ATR: variants seen among roughly 807,000 people sequenced by gnomAD.
ATR encodes the protein ATR checkpoint kinase.
In ATR, 142 loss-of-function variants were observed where a neutral mutation model predicts 305.3. The ratio of observed to expected loss-of-function variants is 0.47; its 90% CI spans 0.41 to 0.53. The LOEUF is 0.53. Among genes scored for constraint, ATR ranks in the 20% least tolerant of loss-of-function variants. The pLI is 0.00. For missense variants in ATR, 2,135 were observed against 3,133.1 expected (o/e 0.68, Z 7.60); for synonymous variants, 1,050 against 1,068.1 (o/e 0.98, Z 0.33).
At chr3:142,474,077 C>T (rs555232988) in intron 36 of ATR, among the ~76,000 whole-genome samples, 1 of 151,622 alleles carries the variant, frequency 6.6e-6, no homozygotes, top group Non-Finnish European at 1.5e-5. Flanking sequence ...CAGATGTGTG[C>T]CACCATGCCT....
chr3:142,553,185 G>A, intron 13 of ATR, 42 bp downstream of exon 13: 1 of 1,589,752 alleles, frequency 6.3e-7, no homozygotes, highest in Non-Finnish European at 8.6e-7. Context: ...CTCTTAAAAA[G>A]TACTGCTGTT....
chr3:142,518,695 G>A (rs1428284784), intron 24 of ATR, among the ~76,000 whole-genome samples: 1 of 152,150 alleles, frequency 6.6e-6, no homozygotes, highest in African/African-American at 2.4e-5. Flanking sequence ...TATAAAGACT[G>A]TTAGTATAAG....
Position 142,560,256 on chromosome 3 carries a change from G to C in ATR, c.1541+7C>G, listed in dbSNP as rs750109379. 5.0e-6 allele frequency: 8 copies of C among 1,612,696 alleles called. No homozygotes were observed. Among genetic ancestry groups the C allele is most frequent in the African/African-American group, 1.3e-5 (1 of 74,862 alleles). ...CCCAACCCCAAGAAACAAGAAGTTT[G>C]TTTTACCAGTTCATGTTTTGATGAG... On this transcript the variant is annotated splice_region_variant and intron_variant, in intron 6 of 46. Transcript: ENST00000350721.
rs748090749 is a variant in ATR at position 142,574,293 on chromosome 3, C to T, written c.59+4353G>A. Among the ~76,000 whole-genome samples, 33 of 151,210 alleles carry T rather than the reference C, an allele frequency of 2.2e-4. 1 individual carries two copies. Among genetic ancestry groups the T allele is most frequent in the Middle Eastern group, 6.9e-3 (2 of 290 alleles). ...CAGCCTGGGCAACATGGTGAAACCC[C>T]GTCTACAAAAATACAAAAATTAGCC... is the stretch of plus-strand genomic sequence containing the variant. On this transcript the variant is annotated intron_variant, in intron 1 of 46. Transcript: ENST00000350721.
intron 42 of ATR, 144 bp downstream of exon 42, chr3:142,461,796 C>T: frequency 2.4e-6 from 2 of 845,078 alleles, no homozygotes; most frequent in African/African-American, 1.7e-5. Context: ...GATGGAAACA[C>T]TTAAGTGTTT....
At position 142,496,440 on chromosome 3, in the gene ATR, G is replaced by A. The variant is rs2108333696; in HGVS notation, c.5819C>T (p.Ala1940Val). The A allele has an allele frequency of 6.2e-7, 1 of 1,611,192 alleles. No individual in the cohort carries two copies. Among genetic ancestry groups the A allele is most frequent in the Non-Finnish European group, 8.5e-7 (1 of 1,179,240 alleles). Residue 1940 changes from alanine (A) to valine (V), a missense_variant, in exon 34 of 47, where the codon GCC becomes GTC. Ala to Val is a moderately conservative substitution (Grantham distance 64, BLOSUM62 0). Transcript: ENST00000350721. Reference sequence around the variant, plus strand: ...CCCTGCATTAAGGAGAGCATTGTAGGCTGTCTGGTGGTGACCAGCCTTTCT... The same window carrying A: ...CCCTGCATTAAGGAGAGCATTGTAGACTGTCTGGTGGTGACCAGCCTTTCT... ...VARKAGHHQT[A>V]YNALLNAGES...
At chr3:142,565,717 G>A (rs144577051) in intron 3 of ATR, among the ~76,000 whole-genome samples, 41 of 127,524 alleles carry the variant, frequency 3.2e-4, no homozygotes, top group African/African-American at 6.7e-4. Flanking sequence ...GCAACATAGC[G>A]AGACCCTGTC....
intron 1 of ATR, among the ~76,000 whole-genome samples, chr3:142,571,649 T>C (rs975677906): frequency 2.0e-5 from 3 of 152,200 alleles, no homozygotes; most frequent in African/African-American, 4.8e-5. Flanking sequence ...GACAGTTACT[T>C]ATAAATAATA....
intron 27 of ATR, among the ~76,000 whole-genome samples, chr3:142,511,970 T>C (rs1024300396): frequency 6.6e-6 from 1 of 151,858 alleles, no homozygotes; most frequent in South Asian, 2.1e-4. Context: ...ACGAAAAAAT[T>C]AGCTGGGTGT....
chr3:142,557,402 T>G (rs551796199), intron 8 of ATR, among the ~76,000 whole-genome samples: 6 of 152,286 alleles, frequency 3.9e-5, no homozygotes, highest in Admixed American at 1.3e-4. Flanking sequence ...CCATCCAAAT[T>G]TGGCTACTAT....
At chr3:142,567,479 A>C (rs1281158284) in intron 2 of ATR, among the ~76,000 whole-genome samples, 1 of 152,216 alleles carries the variant, frequency 6.6e-6, no homozygotes, top group Non-Finnish European at 1.5e-5. Flanking sequence ...ATCTGCGCCA[A>C]ATTTGGAATC....
intron 32 of ATR, among the ~76,000 whole-genome samples, chr3:142,497,602 AAATT>A (rs2031722348): frequency 6.6e-6 from 1 of 151,096 alleles, no homozygotes; most frequent in South Asian, 2.1e-4. Flanking sequence ...TAAATAAATA[AAATT>A]AATTACATTA....
At position 142,515,509 on chromosome 3, in the gene ATR, C is replaced by T; in HGVS notation, c.4389G>A (p.Lys1463=). The part of the protein sequence containing the change: ...ILEPHLNTRY[K]SSQKSTDWSG... ...ACCAATCGGTTGACTTCTGAGAACT[C>T]TTGTATCTGTAATTTTGAAAATTTG... Residue 1463 remains lysine (K), a synonymous_variant, in exon 25 of 47, where the codon AAG becomes AAA. Transcript: ENST00000350721. 6.2e-7 allele frequency: 1 copy of T among 1,610,498 alleles called. No individual in the cohort carries two copies. The highest frequency in any genetic ancestry group is 8.5e-7 in the Non-Finnish European group (1 of 1,176,926).
At chr3:142,483,547 T>C (rs1298748939) in intron 36 of ATR, among the ~76,000 whole-genome samples, 1 of 152,138 alleles carries the variant, frequency 6.6e-6, no homozygotes, top group Non-Finnish European at 1.5e-5. Context: ...CAATAAAATA[T>C]AACCACAAAG....
chr3:142,522,632 A>T, intron 23 of ATR, 96 bp downstream of exon 23: 1 of 1,050,152 alleles, frequency 9.5e-7, no homozygotes, highest in South Asian at 1.3e-5. Flanking sequence ...TAAAAGTGAG[A>T]ATTAAAACAA....
rs1246389242 is a variant in ATR at position 142,469,508 on chromosome 3, T to C, written c.6381A>G (p.Thr2127=). ...ATGGAGCTAAATAGTTTGTATGCTC[T>C]GTGATAACCTTGTTTATTTTACCCA... is the stretch of plus-strand genomic sequence containing the variant. ...NDLGKINKVI[T]EHTNYLAPYQ... is the part of the protein sequence containing the mutation. The change falls in exon 38 of 47, where the codon ACA becomes ACG. Residue 2127 remains threonine (T), a synonymous_variant. Transcript: ENST00000350721. The C allele has an allele frequency of 1.9e-6, 3 of 1,613,970 alleles. No individual in the cohort carries two copies. The highest frequency in any genetic ancestry group is 2.5e-6 in the Non-Finnish European group (3 of 1,179,916).
At chr3:142,489,545 A>G (rs2031156023) in intron 35 of ATR, among the ~76,000 whole-genome samples, 2 of 152,220 alleles carry the variant, frequency 1.3e-5, no homozygotes, top group Admixed American at 1.3e-4. Context: ...AAAATGTCAC[A>G]TAAATGAAAT....
At chr3:142,496,306 A>G (rs1239778126) in intron 34 of ATR, 55 bp downstream of exon 34, 5 of 165,676 alleles carry the variant, frequency 3.0e-5, no homozygotes, top group African/African-American at 2.5e-4. Flanking sequence ...ATATATATAT[A>G]TATATATATA....
rs1389009165 is a variant in ATR, at chr3:142,538,623, G to A, written c.3584C>T (p.Ala1195Val). Residue 1195 changes from alanine (A) to valine (V), a missense_variant and splice_region_variant, in exon 19 of 47, where the codon GCT (alanine) becomes GTT (valine). By Grantham distance (64) the Ala-to-Val change is moderately conservative. This residue lies in a region of ATR where 530 missense variants were observed against 766.8 expected (regional missense o/e 0.69). Transcript: ENST00000350721. ...KDDFPELCCR[A>V]WDCFVRCLDH... ...CAGGCAGCGAACAAAGCAGTCCCAA[G>A]CTCTATGTGAAAAAACAAATAGAAA... 4.5e-5 allele frequency: 72 copies of A among 1,613,144 alleles called. No individual in the cohort carries two copies. Among genetic ancestry groups the A allele is most frequent in the Non-Finnish European group, 6.0e-5 (71 of 1,179,518 alleles).
Sources: gnomAD v4.1 joint callset for allele counts (sites outside exome capture counted in the v4.1 genomes callset) on GRCh38, gnomAD v4.1.1 for gene constraint, gnomAD v4.1.1 regional missense constraint, MANE v1.5 for transcripts, NCBI Gene and HGNC (gene_info 2026-07-23, HGNC 2026-07-21) for gene names.